CSMD1: variants seen among roughly 807,000 people sequenced by gnomAD.
The protein encoded by CSMD1 is CUB and sushi domain-containing protein 1.
CSMD1 carries 213 observed loss-of-function variants against 417.5 expected under a neutral mutation model. The observed-to-expected ratio is 0.51, with a 90% CI of 0.46 to 0.57. The LOEUF (loss-of-function observed/expected upper bound fraction) is 0.57. CSMD1 is among the 20% of genes least tolerant of loss of function. The pLI is 0.00. For missense variants in CSMD1, 6,923 were observed against 4,529.7 expected (o/e 1.53, Z -15.17); for synonymous variants, 2,862 against 1,736.8 (o/e 1.65, Z -16.11).
Position 3,157,883 on chromosome 8 carries a change from A to G in CSMD1, c.5914+14T>C. Reference sequence around the variant, plus strand: ...GTGTGCGCAGCAGCAGAGTTACAGAAGGTGCATCCTTACCAATGCACAGGG... The same window carrying G: ...GTGTGCGCAGCAGCAGAGTTACAGAGGGTGCATCCTTACCAATGCACAGGG... On this transcript the variant is annotated intron_variant, in intron 39 of 69. Coordinates refer to ENST00000635120, the MANE Select transcript of CSMD1 (RefSeq NM_033225.6). 3 of 1,546,234 alleles carry G rather than the reference A, an allele frequency of 1.9e-6. No individual in the cohort carries two copies. Among genetic ancestry groups the G allele is most frequent in the Non-Finnish European group, 2.6e-6 (3 of 1,141,668 alleles).
chr8:4,151,228 T>C (rs923036528), intron 3 of CSMD1, among the ~76,000 whole-genome samples: 14 of 152,290 alleles, frequency 9.2e-5, no homozygotes, highest in African/African-American at 9.6e-5. Flanking sequence ...CAAGTATAAA[T>C]ACGGTGAAGT....
intron 18 of CSMD1, among the ~76,000 whole-genome samples, chr8:3,370,265 G>A (rs969134660): frequency 1.3e-5 from 2 of 152,178 alleles, no homozygotes; most frequent in Non-Finnish European, 1.5e-5. Flanking sequence ...GCTATCCTAT[G>A]AATGGAAGCA....
intron 15 of CSMD1, among the ~76,000 whole-genome samples, chr8:3,402,177 A>G (rs1177287897): frequency 6.6e-6 from 1 of 152,130 alleles, no homozygotes; most frequent in Non-Finnish European, 1.5e-5. Flanking sequence ...AGTGCACAAC[A>G]CTAAGGTTCT....
intron 3 of CSMD1, among the ~76,000 whole-genome samples, chr8:4,329,951 C>G (rs951644086): frequency 1.3e-5 from 2 of 152,100 alleles, no homozygotes; most frequent in East Asian, 1.9e-4. Flanking sequence ...TCTGCCATGA[C>G]TGGAAGCTCC....
At chr8:4,510,816 CCCTCCCTTCCTCTCTT>C (rs1000308058) in intron 2 of CSMD1, among the ~76,000 whole-genome samples, 4 of 138,762 alleles carry the variant, frequency 2.9e-5, no homozygotes. Context: ...TTCCTTCACT[CCCTCCCTTCCTCTCTT>C]CCTCCCTCCC....
At chr8:3,859,478 G>C (rs1804541798) in intron 5 of CSMD1, among the ~76,000 whole-genome samples, 3 of 152,304 alleles carry the variant, frequency 2.0e-5, no homozygotes, top group African/African-American at 7.2e-5. Flanking sequence ...TCTGGGAGGA[G>C]AATCTTTGCC....
chr8:4,994,331 C>CTA lies in CSMD1; in HGVS notation c.85_85+1insTA (p.Gly29ValfsTer8). The CTA allele has an allele frequency of 6.2e-7, 1 of 1,609,928 alleles. No individual in the cohort carries two copies. Among genetic ancestry groups the CTA allele is most frequent in the African/African-American group, 1.3e-5 (1 of 75,054 alleles). On this transcript the variant is annotated frameshift_variant and splice_region_variant. Transcript: ENST00000635120. LOFTEE classifies it high-confidence loss of function. Reference sequence around the variant, plus strand: ...CCCGGCCAGGAGCAAGTCCGTCTTACCCTTCGCTGCAGTGAGGAGCCTCGC... The same window carrying CTA: ...CCCGGCCAGGAGCAAGTCCGTCTTACTACCTTCGCTGCAGTGAGGAGCCTCGC...
intron 3 of CSMD1, among the ~76,000 whole-genome samples, chr8:4,065,730 G>C (rs1368256788): frequency 1.3e-5 from 2 of 152,186 alleles, no homozygotes; most frequent in African/African-American, 2.4e-5. Flanking sequence ...TGTAAACATA[G>C]GCTCTATCAC....
At chr8:4,053,047 A>T (rs1188789088) in intron 3 of CSMD1, among the ~76,000 whole-genome samples, 2 of 152,172 alleles carry the variant, frequency 1.3e-5, no homozygotes, top group African/African-American at 2.4e-5. Context: ...CTCTAACCAG[A>T]GGAGTCCTTG....
At chr8:3,533,017 T>C (rs967545554) in intron 10 of CSMD1, among the ~76,000 whole-genome samples, 1 of 152,198 alleles carries the variant, frequency 6.6e-6, no homozygotes, top group Non-Finnish European at 1.5e-5. Flanking sequence ...ATTAAGTGAA[T>C]AATGTGTTTT....
chr8:3,857,579 A>C (rs1310086663), intron 5 of CSMD1, among the ~76,000 whole-genome samples: 1 of 152,178 alleles, frequency 6.6e-6, no homozygotes, highest in South Asian at 2.1e-4. Flanking sequence ...TTCTGTTTCT[A>C]CGCTGTGTAG....
chr8:3,307,048 C>T (rs756371592), intron 25 of CSMD1, among the ~76,000 whole-genome samples: 2 of 152,118 alleles, frequency 1.3e-5, no homozygotes, highest in African/African-American at 4.8e-5. Context: ...CAAAATGACA[C>T]ACATTGCTCC....
At chr8:3,680,394 G>C (rs1448457522) in intron 7 of CSMD1, among the ~76,000 whole-genome samples, 1 of 152,086 alleles carries the variant, frequency 6.6e-6, no homozygotes, top group Non-Finnish European at 1.5e-5. Context: ...TACCATCAGA[G>C]AATACTATTA....
chr8:3,179,193 C>T (rs1222286040), intron 37 of CSMD1, among the ~76,000 whole-genome samples: 3 of 151,866 alleles, frequency 2.0e-5, no homozygotes, highest in Admixed American at 2.0e-4. Flanking sequence ...GATCTGCCCG[C>T]CTTGGCCTCC....
intron 5 of CSMD1, among the ~76,000 whole-genome samples, chr8:3,965,776 C>T (rs748106784): frequency 2.6e-5 from 4 of 152,018 alleles, no homozygotes; most frequent in Admixed American, 2.0e-4. Flanking sequence ...TGACACCACA[C>T]CTGGCTAATA....
Position 3,554,439 on chromosome 8 carries a change from G to C in CSMD1, c.1344+20506C>G, listed in dbSNP as rs951758586. 6.6e-5 allele frequency among the ~76,000 whole-genome samples: 10 copies of C among 152,286 alleles called. No homozygotes were observed. In the East Asian group the frequency reaches 1.2e-3, roughly 18 times the overall value. ...GGTCTGGGGAGAGCCTGGAGCTGGG[G>C]GAGCAGAGAACAGGGTCACAGACAC... On this transcript the variant is annotated intron_variant, in intron 10 of 69. Coordinates refer to ENST00000635120, the MANE Select transcript of CSMD1 (RefSeq NM_033225.6).
chr8:3,060,890 T>C (rs906677696), intron 49 of CSMD1, among the ~76,000 whole-genome samples: 12 of 152,184 alleles, frequency 7.9e-5, no homozygotes, highest in Non-Finnish European at 1.5e-4. Context: ...TGACACGGCA[T>C]TCCTCTCTCC....
intron 5 of CSMD1, among the ~76,000 whole-genome samples, chr8:3,888,329 C>T (rs1806703745): frequency 6.6e-6 from 1 of 152,124 alleles, no homozygotes; most frequent in African/African-American, 2.4e-5. Flanking sequence ...CATTTGTATC[C>T]AAAGTCAAAG....
intron 57 of CSMD1, among the ~76,000 whole-genome samples, chr8:2,969,873 A>C (rs1804292243): frequency 6.6e-6 from 1 of 152,154 alleles, no homozygotes; most frequent in African/African-American, 2.4e-5. Context: ...ATTGGGTGTA[A>C]CATATATTGC....
Sources: gnomAD v4.1 joint callset for allele counts (sites outside exome capture counted in the v4.1 genomes callset) on GRCh38, gnomAD v4.1.1 for gene constraint, MANE v1.5 for transcripts, NCBI Gene and HGNC (gene_info 2026-07-23, HGNC 2026-07-21) for gene names.